HPS4: variants seen among roughly 807,000 people sequenced by gnomAD.
The protein encoded by HPS4 is BLOC-3 complex member HPS4.
Under a neutral mutation model 70.3 loss-of-function variants are expected in HPS4, and 44 were observed. The ratio of observed to expected loss-of-function variants is 0.63; its 90% confidence interval spans 0.49 to 0.80. HPS4 has a LOEUF of 0.80. Ranked by LOEUF, HPS4 falls within the 30% of genes least tolerant of loss-of-function variation. The pLI, the probability that HPS4 is intolerant of heterozygous loss-of-function variation, is 0.00. For missense variants in HPS4, 873 were observed against 884.4 expected, an observed-to-expected ratio of 0.99 and a Z score of 0.16; for synonymous variants, 377 against 355.9, an observed-to-expected ratio of 1.06 and a Z score of -0.67.
At chr22:26,473,490 G>A (rs913410870) in intron 4 of HPS4, among the ~76,000 whole-genome samples, 3 of 152,174 alleles carry the variant, frequency 2.0e-5, no homozygotes, top group Non-Finnish European at 2.9e-5. Context: ...ATACTTGGCC[G>A]GGCACGGTGG....
At position 26,457,945 on chromosome 22, in the gene HPS4, G is replaced by C; in HGVS notation, c.1869C>G (p.Thr623=). The change falls in exon 13 of 14, where the codon ACC becomes ACG. Residue 623 remains threonine (T), a synonymous_variant. Coordinates refer to ENST00000398145, the MANE Select transcript of HPS4 (RefSeq NM_022081.6). ...LLMANLPQVA[T]PQDRRFLQAV... is the part of the protein sequence containing the mutation. ...CCTGGAGGAAGCGGCGATCCTGCGG[G>C]GTGGCCACCTGCGGCAGGTTTGCTT... The C allele has an allele frequency of 3.1e-6, 5 of 1,613,798 alleles. No individual in the cohort carries two copies. The South Asian group carries it at 5.5e-5, about 18-fold the overall frequency.
intron 13 of HPS4, among the ~76,000 whole-genome samples, chr22:26,455,436 C>T (rs1333244695): frequency 2.6e-5 from 4 of 151,240 alleles, no homozygotes; most frequent in African/African-American, 7.3e-5. Flanking sequence ...TTTGTAGGGA[C>T]ATGGATGAAA....
chr22:26,476,759 A>G, intron 4 of HPS4: 1 of 511,888 alleles, frequency 2.0e-6, no homozygotes, highest in Non-Finnish European at 3.5e-6. Context: ...TAAGTCTTTG[A>G]AAGGAAAGGA....
chr22:26,459,763 G>C (rs1349150744), intron 11 of HPS4, among the ~76,000 whole-genome samples: 1 of 152,182 alleles, frequency 6.6e-6, no homozygotes, highest in African/African-American at 2.4e-5. Flanking sequence ...CGGGACTATT[G>C]AGTGACTTAA....
At chr22:26,476,940 T>C in intron 4 of HPS4, 53 bp downstream of exon 4, 1 of 1,595,070 alleles carries the variant, frequency 6.3e-7, no homozygotes, top group South Asian at 1.1e-5. Flanking sequence ...ACAACATAAC[T>C]TCCTAAACTT....
chr22:26,455,225 T>C (rs921566738), intron 13 of HPS4, among the ~76,000 whole-genome samples: 1 of 152,254 alleles, frequency 6.6e-6, no homozygotes, highest in African/African-American at 2.4e-5. Flanking sequence ...AGCCAACCCA[T>C]TACTGGGTAT....
chr22:26,464,515 A>G lies in HPS4; in HGVS notation c.1115T>C (p.Ile372Thr), dbSNP rs372828090. Residue 372 changes from isoleucine (I) to threonine (T), a missense_variant, in exon 11 of 14, where the codon ATC (isoleucine) becomes ACC (threonine). Physicochemically the swap from Ile to Thr is moderately conservative, Grantham distance 89. Coordinates refer to ENST00000398145, the MANE Select transcript of HPS4 (RefSeq NM_022081.6). ...CACTTCCTGAGCCTCTGGAATGTGG[A>G]TTTCAGACAAGTCGAGTTCTTCTTG... ...FLQEELDLSE[I>T]HIPEAQEVEM... is the part of the protein sequence containing the mutation. The G allele has an allele frequency of 1.5e-4, 246 of 1,614,060 alleles. 1 individual carries two copies. Among genetic ancestry groups the G allele is most frequent in the Non-Finnish European group, 2.0e-4 (232 of 1,180,036 alleles).
rs1347464051 is a variant in HPS4, at chr22:26,451,998, G to GCACA, written c.*1234_*1235insTGTG. 1.5e-4 allele frequency: 9 copies of GCACA among 61,312 alleles called. No individual in the cohort carries two copies. The highest frequency in any genetic ancestry group is 6.1e-4 in the African/African-American group (8 of 13,214). The allele number at this position is 61,312 out of a possible 1,614,324, so 3.8% of individuals were successfully genotyped here. On this transcript the variant is annotated 3_prime_UTR_variant, in exon 14 of 14. Transcript: ENST00000398145. ...ATGCGCCCACGTTACGCGCGCGCGCGCGCGCGCACACACACACACACACAC... is the reference window on the plus strand; with the variant it reads ...ATGCGCCCACGTTACGCGCGCGCGCGCACACGCGCGCACACACACACACACACAC...
chr22:26,465,819 A>G (rs1447070276), intron 9 of HPS4: 2 of 556,214 alleles, frequency 3.6e-6, no homozygotes, highest in African/African-American at 1.9e-5. Context: ...TTTTACAAGA[A>G]GAAGATATAA....
In HPS4 at chr22:26,465,460, C is replaced by T. The variant is rs1168541917; in HGVS notation, c.798G>A (p.Met266Ile). 6 of 1,609,170 alleles carry T rather than the reference C, an allele frequency of 3.7e-6. No individual in the cohort carries two copies. Among genetic ancestry groups the T allele is most frequent in the Non-Finnish European group, 4.3e-6 (5 of 1,175,516 alleles). Residue 266 changes from methionine to isoleucine, a missense_variant, in exon 10 of 14, where the codon ATG (methionine) becomes ATA (isoleucine). Transcript: ENST00000398145. ...ISLHEFPVEQ[M>I]TRSLASPAGL... The stretch of plus-strand genomic sequence containing the variant: ...CTCTCTGTGCACTCCATTACCTTGT[C>T]ATCTGTTCCACCGGGAACTCGTGGA...
chr22:26,479,177 T>G lies in HPS4; in HGVS notation c.132+88A>C. 1.4e-5 allele frequency: 17 copies of G among 1,237,102 alleles called. 1 individual carries two copies. In the South Asian group the frequency reaches 2.0e-4, roughly 14 times the overall value. The allele number at this position is 1,237,102 out of a possible 1,614,324, so 76.6% of individuals were successfully genotyped here. The stretch of plus-strand genomic sequence containing the variant: ...ATGTCATTGTCTGGATTAGCCAAAC[T>G]GTCCTAATGTAAACCCCATACTTTT... On this transcript the variant is annotated intron_variant, in intron 3 of 13. Coordinates refer to ENST00000398145, the MANE Select transcript of HPS4 (RefSeq NM_022081.6).
At chr22:26,466,320 A>C in intron 8 of HPS4, 58 bp from the exon 9 acceptor site, 4 of 1,587,494 alleles carry the variant, frequency 2.5e-6, no homozygotes, top group Non-Finnish European at 3.5e-6. Flanking sequence ...TCTTGACCTA[A>C]CCATCAGGAA....
intron 2 of HPS4, chr22:26,479,572 G>T: frequency 7.3e-7 from 1 of 1,374,924 alleles, no homozygotes. Flanking sequence ...CTATCCAGCC[G>T]TTAGACCATC....
chr22:26,473,234 T>A (rs1424523148), intron 4 of HPS4, among the ~76,000 whole-genome samples: 2 of 152,208 alleles, frequency 1.3e-5, no homozygotes, highest in Non-Finnish European at 2.9e-5. Flanking sequence ...TGAGGTCTGT[T>A]CTATTACCTC....
At chr22:26,445,172 CCAAA>C (rs776315389) in intron 3 of HPS4, among the ~76,000 whole-genome samples, 17 of 152,186 alleles carry the variant, frequency 1.1e-4, no homozygotes, top group East Asian at 1.9e-4. Flanking sequence ...GTTGTCTCTA[CCAAA>C]CAAACAAACT....
chr22:26,463,998 G>GT lies in HPS4; in HGVS notation c.1631dup (p.Tyr544Ter). Reference protein sequence around the residue: ...SCMGLVRMNLYTHCVKGLVLS... With the variant: ...SCMGLVRMNL ...GCACCAGCCCTTTGACGCAGTGAGT[G>GT]TAGAGATTCATCCTCACGAGCCCCA... is the stretch of plus-strand genomic sequence containing the variant. The change falls in exon 11 of 14, where the codon TAC becomes TAAC. Residue 544 changes from tyrosine (Y) to a stop codon, truncating the protein, a stop_gained and frameshift_variant. Coordinates refer to ENST00000398145, the MANE Select transcript of HPS4 (RefSeq NM_022081.6). LOFTEE classifies it high-confidence loss of function. 3 of 1,614,274 alleles carry GT rather than the reference G, an allele frequency of 1.9e-6. No homozygotes were observed. Among genetic ancestry groups the GT allele is most frequent in the Non-Finnish European group, 2.5e-6 (3 of 1,180,058 alleles).
At chr22:26,443,523 C>T (rs566434223), downstream of HPS4, 1 of 202,710 alleles carries the variant, frequency 4.9e-6, no homozygotes, top group East Asian at 1.2e-4. Context: ...GTAAGTCTGT[C>T]TTCTGTTGCT....
chr22:26,446,137 G>T (rs2084944703), downstream of HPS4, among the ~76,000 whole-genome samples: 1 of 152,214 alleles, frequency 6.6e-6, no homozygotes, highest in Non-Finnish European at 1.5e-5. Flanking sequence ...AGGTGAGAAA[G>T]GGGAGCCAGC....
At position 26,464,685 on chromosome 22, in the gene HPS4, G is replaced by A. The variant is rs146884025; in HGVS notation, c.945C>T (p.Asp315=). 29 of 1,609,742 alleles carry A rather than the reference G, an allele frequency of 1.8e-5. No homozygotes were observed. In the South Asian group the frequency reaches 2.3e-4, roughly 13 times the overall value. ...AWTTPDPTSP[D]EACPDGRKEN... ...CCTTCCTGCCATCTGGACAAGCTTCGTCAGGGGATGTGGGATCTGGGGTGG... is the reference window on the plus strand; with the variant it reads ...CCTTCCTGCCATCTGGACAAGCTTCATCAGGGGATGTGGGATCTGGGGTGG... Residue 315 remains aspartate, a synonymous_variant, in exon 11 of 14, where the codon GAC becomes GAT. Coordinates refer to ENST00000398145, the MANE Select transcript of HPS4 (RefSeq NM_022081.6).
Sources: allele counts gnomAD v4.1 joint callset (sites outside exome capture counted in the v4.1 genomes callset), GRCh38; gene constraint gnomAD v4.1.1; transcripts MANE v1.5; gene names NCBI Gene and HGNC (gene_info 2026-07-23, HGNC 2026-07-21).